EYS: variants seen among roughly 807,000 people sequenced by gnomAD.
The protein encoded by EYS is protein eyes shut homolog.
EYS carries 250 observed loss-of-function variants against 282.1 expected under a neutral mutation model. The ratio of observed to expected loss-of-function variants is 0.89; its 90% CI spans 0.80 to 0.98. The LOEUF is 0.98. EYS is among the 50% of genes least tolerant of loss of function. The pLI, the probability that EYS is intolerant of heterozygous loss-of-function variation, is 0.00. For missense variants in EYS, 4,016 were observed against 3,709.0 expected (o/e 1.08, Z -2.15); for synonymous variants, 1,355 against 1,282.9 (o/e 1.06, Z -1.20).
At chr6:65,356,011 A>G (rs1764468029) in intron 8 of EYS, among the ~76,000 whole-genome samples, 2 of 152,130 alleles carry the variant, frequency 1.3e-5, no homozygotes, top group Non-Finnish European at 2.9e-5. Flanking sequence ...CATTATATAA[A>G]AGAGATACCA....
At chr6:64,617,289 A>C in intron 24 of EYS, 129 bp downstream of exon 24, 1 of 662,348 alleles carries the variant, frequency 1.5e-6, no homozygotes, top group Non-Finnish European at 2.7e-6. Context: ...TGTAGCGTGC[A>C]CAGAGAAGGA....
chr6:64,395,166 A>G (rs1425050850), intron 28 of EYS, among the ~76,000 whole-genome samples: 2 of 152,002 alleles, frequency 1.3e-5, no homozygotes, highest in African/African-American at 4.8e-5. Context: ...AAATAGGAAC[A>G]CTTTTACACT....
chr6:65,139,934 C>G (rs2150207897), intron 12 of EYS, among the ~76,000 whole-genome samples: 1 of 152,090 alleles, frequency 6.6e-6, no homozygotes. Flanking sequence ...AGGATGCCAG[C>G]TAAAAAGATG....
At chr6:64,678,348 T>C (rs1769766133) in intron 22 of EYS, among the ~76,000 whole-genome samples, 1 of 151,558 alleles carries the variant, frequency 6.6e-6, no homozygotes, top group Non-Finnish European at 1.5e-5. Flanking sequence ...GAGGCCAAGG[T>C]GGGCAGATCA....
chr6:64,072,538 G>T (rs1462978822), intron 32 of EYS, among the ~76,000 whole-genome samples: 1 of 151,732 alleles, frequency 6.6e-6, no homozygotes, highest in Non-Finnish European at 1.5e-5. Flanking sequence ...TGGTGGTTGG[G>T]AGTTGGAGCA....
intron 12 of EYS, among the ~76,000 whole-genome samples, chr6:65,210,518 A>G (rs936013307): frequency 3.9e-5 from 6 of 152,174 alleles, no homozygotes; most frequent in African/African-American, 1.4e-4. Flanking sequence ...CAATTAAAAC[A>G]AAGACTGCAG....
chr6:65,208,851 T>C (rs1766101849), intron 12 of EYS, among the ~76,000 whole-genome samples: 1 of 151,728 alleles, frequency 6.6e-6, no homozygotes, highest in African/African-American at 2.4e-5. Flanking sequence ...ATGTCCAATA[T>C]TGGATGATGA....
chr6:65,412,803 G>GA (rs1475764256), intron 5 of EYS, among the ~76,000 whole-genome samples: 6 of 151,794 alleles, frequency 4.0e-5, no homozygotes, highest in Admixed American at 6.6e-5. Context: ...GGTATTTCTA[G>GA]AAAAAAATAG....
chr6:64,674,824 G>A (rs558985884), intron 22 of EYS, among the ~76,000 whole-genome samples: 3 of 150,574 alleles, frequency 2.0e-5, no homozygotes, highest in Admixed American at 6.6e-5. Flanking sequence ...ACATTTCTAC[G>A]TTTGGGGCTT....
At position 64,131,114 on chromosome 6, in the gene EYS, C is replaced by A. The variant is rs187465631; in HGVS notation, c.6425-49112G>T. Among the ~76,000 whole-genome samples, 555 of 152,140 alleles carry A rather than the reference C, an allele frequency of 3.6e-3. 7 individuals carry two copies. Among genetic ancestry groups the A allele is most frequent in the African/African-American group, 0.012 (512 of 41,504 alleles). ...AACTCTTGACTTCGTGATCCTCCCC[C>A]CCTTGGCCTCCCAAAGTGCTGGGAT... On this transcript the variant is annotated intron_variant, in intron 31 of 42. Coordinates refer to ENST00000503581, the MANE Select transcript of EYS (RefSeq NM_001142800.2).
chr6:64,755,527 CA>C (rs1334019664), intron 22 of EYS, among the ~76,000 whole-genome samples: 2 of 151,700 alleles, frequency 1.3e-5, no homozygotes, highest in South Asian at 2.1e-4. Context: ...CACACACACA[CA>C]CACACACACA....
intron 22 of EYS, among the ~76,000 whole-genome samples, chr6:64,668,549 T>C (rs1731211635): frequency 7.1e-6 from 1 of 141,728 alleles, no homozygotes; most frequent in African/African-American, 2.7e-5. Flanking sequence ...AATTCTTTTT[T>C]TTTTTTTTTT....
chr6:64,872,932 T>C (rs1229037145), intron 19 of EYS, among the ~76,000 whole-genome samples: 1 of 152,082 alleles, frequency 6.6e-6, no homozygotes, highest in East Asian at 1.9e-4. Context: ...CATGATTAAA[T>C]TTGTTTCAGC....
intron 33 of EYS, among the ~76,000 whole-genome samples, chr6:64,010,813 A>G (rs75643559): frequency 0.027 from 4,113 of 152,256 alleles, 137 homozygotes; most frequent in African/African-American, 0.076. Context: ...ATGATACTGG[A>G]AATATTCACA....
intron 2 of EYS, among the ~76,000 whole-genome samples, chr6:65,623,308 C>T (rs563945890): frequency 6.6e-5 from 10 of 152,232 alleles, no homozygotes; most frequent in African/African-American, 1.7e-4. Flanking sequence ...ACATGAAAAA[C>T]ATTTTGCATA....
At chr6:64,950,798 C>CATATACATATATAT (rs1300549417) in intron 14 of EYS, among the ~76,000 whole-genome samples, 1 of 54,236 alleles carries the variant, frequency 1.8e-5, no homozygotes, top group South Asian at 7.2e-4. Context: ...TATACATATA[C>CATATACATATATAT]ATATATATAT....
intron 36 of EYS, among the ~76,000 whole-genome samples, chr6:63,826,845 C>CAAAAAAAAAAAAAAAAAAGA (rs1771475758): frequency 7.8e-5 from 6 of 76,762 alleles, no homozygotes; most frequent in East Asian, 4.1e-4. Flanking sequence ...AGTTAAAAAG[C>CAAAAAAAAAAAAAAAAAAGA]AAAAAAAAAA....
At chr6:65,656,340 C>T (rs1767825966) in intron 1 of EYS, among the ~76,000 whole-genome samples, 1 of 151,800 alleles carries the variant, frequency 6.6e-6, no homozygotes, top group Non-Finnish European at 1.5e-5. Context: ...AGGCTGAAAG[C>T]TGAGATAGGT....
intron 2 of EYS, among the ~76,000 whole-genome samples, chr6:65,597,112 T>G (rs753379414): frequency 1.3e-5 from 2 of 152,104 alleles, no homozygotes; most frequent in Non-Finnish European, 2.9e-5. Flanking sequence ...TAATAATATA[T>G]AAGCAGTTAT....
Sources: allele counts gnomAD v4.1 joint callset (sites outside exome capture counted in the v4.1 genomes callset), GRCh38; gene constraint gnomAD v4.1.1; transcripts MANE v1.5; gene names NCBI Gene and HGNC (gene_info 2026-07-23, HGNC 2026-07-21).